ABCB11: variants seen among roughly 807,000 people sequenced by gnomAD.
ABCB11 encodes the protein ATP binding cassette subfamily B member 11, also known as bile salt export pump.
A neutral mutation model predicts 148.0 loss-of-function variants in ABCB11; 95 were observed. That is an observed-to-expected ratio of 0.64 (90% CI 0.54 to 0.76). The LOEUF (loss-of-function observed/expected upper bound fraction) is 0.76. ABCB11 is among the 30% of genes least tolerant of loss of function. The probability of loss-of-function intolerance (pLI) is 0.00; values close to 1 mark genes in which losing one functional copy is unlikely to be tolerated. For missense variants in ABCB11, 1,523 were observed against 1,617.8 expected, an observed-to-expected ratio of 0.94 and a Z score of 1.01; for synonymous variants, 591 against 555.4, an observed-to-expected ratio of 1.06 and a Z score of -0.90.
chr2:168,976,503 G>A (rs945165125), intron 12 of ABCB11, 74 bp downstream of exon 12: 1 of 856,616 alleles, frequency 1.2e-6, no homozygotes, highest in East Asian at 2.8e-5. Context: ...CAGAAAATGA[G>A]CAATTTGTGG....
intron 11 of ABCB11, 88 bp from the exon 12 acceptor site, chr2:168,976,775 G>T: frequency 1.3e-6 from 1 of 773,252 alleles, no homozygotes; most frequent in South Asian, 1.6e-5. Context: ...AAACATCTTT[G>T]GCGTATCTCT....
intron 13 of ABCB11, 30 bp downstream of exon 13, chr2:168,973,685 T>G: frequency 1.2e-6 from 2 of 1,609,018 alleles, no homozygotes; most frequent in Non-Finnish European, 1.7e-6. Context: ...ACTGTCCCCA[T>G]GTATTGAGGA....
intron 10 of ABCB11, among the ~76,000 whole-genome samples, chr2:168,982,108 CAGA>C (rs1356303865): frequency 6.6e-6 from 1 of 152,086 alleles, no homozygotes; most frequent in Admixed American, 6.6e-5. Context: ...CTGTGAACAG[CAGA>C]AGTAGTGTAG....
downstream of ABCB11, among the ~76,000 whole-genome samples, chr2:168,920,287 T>A (rs1691035750): frequency 6.6e-6 from 1 of 152,204 alleles, no homozygotes. Context: ...TTTTATTTAT[T>A]ATATTCAGTA....
chr2:168,968,554 A>C, intron 16 of ABCB11, 64 bp from the exon 17 acceptor site: 2 of 1,299,254 alleles, frequency 1.5e-6, no homozygotes, highest in Non-Finnish European at 2.1e-6. Flanking sequence ...TCCAAGTAGA[A>C]TTCTTTACTA....
Position 169,013,344 on chromosome 2 carries a change from G to A in ABCB11, c.317C>T (p.Ala106Val), listed in dbSNP as rs1695249818. 3 of 1,613,662 alleles carry A rather than the reference G, an allele frequency of 1.9e-6. No homozygotes were observed. Among genetic ancestry groups the A allele is most frequent in the Admixed American group, 1.7e-5 (1 of 59,984 alleles). The part of the protein sequence containing the change: ...ELQELQIPGK[A>V]CVNNTIVWTN... ...CCATACAATGGTGTTATTCACACAT[G>A]CTTTTCCTGGAATCTGGAGTTCTTG... is the stretch of plus-strand genomic sequence containing the variant. Residue 106 changes from alanine to valine, a missense_variant, in exon 5 of 28, where the codon GCA (alanine) becomes GTA (valine). Physicochemically the swap from Ala to Val is moderately conservative, Grantham distance 64. Coordinates refer to ENST00000650372, the MANE Select transcript of ABCB11 (RefSeq NM_003742.4).
At position 168,930,731 on chromosome 2, in the gene ABCB11, A is replaced by C; in HGVS notation, c.3345T>G (p.Ser1115Arg). 6.2e-7 allele frequency: 1 copy of C among 1,607,776 alleles called. No individual in the cohort carries two copies. Among genetic ancestry groups the C allele is most frequent in the Non-Finnish European group, 8.5e-7 (1 of 1,175,658 alleles). The change falls in exon 25 of 28, where the codon AGT becomes AGG. Residue 1115 changes from serine to arginine, a missense_variant. By Grantham distance (110) the Ser-to-Arg change is moderately radical (BLOSUM62 -1). Coordinates refer to ENST00000650372, the MANE Select transcript of ABCB11 (RefSeq NM_003742.4). ...GAATGCTAGTGCTTTTGCCACATCCACTGCTCCCAACAAACGCCAGTGTCT... is the reference window on the plus strand; with the variant it reads ...GAATGCTAGTGCTTTTGCCACATCCCCTGCTCCCAACAAACGCCAGTGTCT... Reference protein sequence around the residue: ...PGQTLAFVGSSGCGKSTSIQL... With the variant: ...PGQTLAFVGSRGCGKSTSIQL...
intron 21 of ABCB11, among the ~76,000 whole-genome samples, chr2:168,942,507 CAA>C (rs3067961): frequency 0.026 from 3,944 of 149,216 alleles, 154 homozygotes; most frequent in African/African-American, 0.086. Flanking sequence ...ACAAAGGGTG[CAA>C]AAAAAAAAAT....
Position 168,928,864 on chromosome 2 carries a change from T to A in ABCB11, c.3412-1502A>T, listed in dbSNP as rs115389861. On this transcript the variant is annotated intron_variant, in intron 25 of 27. Transcript: ENST00000650372. ...AAATTTACAATCTTTATACCTCAACTTAATAACAGAAGGGATTATAAATTA... is the reference window on the plus strand; with the variant it reads ...AAATTTACAATCTTTATACCTCAACATAATAACAGAAGGGATTATAAATTA... Among the ~76,000 whole-genome samples, 887 of 152,308 alleles carry A rather than the reference T, an allele frequency of 5.8e-3. 5 individuals carry two copies. The highest frequency in any genetic ancestry group is 0.02 in the African/African-American group (846 of 41,566).
intron 10 of ABCB11, among the ~76,000 whole-genome samples, chr2:168,985,021 C>T (rs1345222751): frequency 6.7e-6 from 1 of 150,000 alleles, no homozygotes; most frequent in Non-Finnish European, 1.5e-5. Flanking sequence ...AAAATCTTCA[C>T]AATCTACACA....
intron 10 of ABCB11, among the ~76,000 whole-genome samples, chr2:168,981,284 G>C (rs1023449020): frequency 1.3e-5 from 2 of 152,024 alleles, no homozygotes; most frequent in African/African-American, 2.4e-5. Flanking sequence ...GCCATACATG[G>C]GTGGTGGGTT....
intron 19 of ABCB11, among the ~76,000 whole-genome samples, chr2:168,948,008 T>TA (rs1370800098): frequency 6.6e-6 from 1 of 151,662 alleles, no homozygotes; most frequent in Non-Finnish European, 1.5e-5. Context: ...GATCATCTTT[T>TA]AAATCCTGCA....
downstream of ABCB11, among the ~76,000 whole-genome samples, chr2:168,920,367 A>C (rs1347919500): frequency 8.2e-6 from 1 of 121,896 alleles, no homozygotes; most frequent in Admixed American, 9.1e-5. Flanking sequence ...ACTATTTTTT[A>C]AAATAGTCTA....
chr2:168,946,526 T>C (rs899693953), intron 19 of ABCB11, among the ~76,000 whole-genome samples: 1 of 151,784 alleles, frequency 6.6e-6, no homozygotes, highest in Non-Finnish European at 1.5e-5. Context: ...AGCACAGTAA[T>C]TCTTCCCAGC....
intron 2 of ABCB11, 131 bp from the exon 3 acceptor site, chr2:169,016,930 C>A: frequency 1.5e-6 from 1 of 668,364 alleles, no homozygotes; most frequent in Non-Finnish European, 2.6e-6. Context: ...TAGCAAATGA[C>A]TATTTGCCTT....
At chr2:168,971,294 C>G (rs1693568647) in intron 14 of ABCB11, among the ~76,000 whole-genome samples, 1 of 151,950 alleles carries the variant, frequency 6.6e-6, no homozygotes, top group East Asian at 1.9e-4. Flanking sequence ...ACGTGTTAAC[C>G]CTTTATAATA....
At position 168,930,800 on chromosome 2, in the gene ABCB11, G is replaced by A. The variant is rs371859686; in HGVS notation, c.3276C>T (p.Asp1092=). 2.2e-5 allele frequency: 36 copies of A among 1,613,214 alleles called. No homozygotes were observed. The East Asian group carries it at 3.3e-4, about 15-fold the overall frequency. ...DCKFTYPSRP[D]SQVLNGLSVS... is the part of the protein sequence containing the mutation. ...CTGAGAGACCATTCAGAACTTGCGA[G>A]TCAGGTCGAGAAGGATATGTAAATT... Residue 1092 remains aspartate, a synonymous_variant, in exon 25 of 28, where the codon GAC becomes GAT. Coordinates refer to ENST00000650372, the MANE Select transcript of ABCB11 (RefSeq NM_003742.4).
Position 168,922,460 on chromosome 2 carries a change from T to C in ABCB11, c.*1162A>G, listed in dbSNP as rs375929246. Among the ~76,000 whole-genome samples the C allele has an allele frequency of 6.6e-6, 1 of 152,190 alleles. No individual in the cohort carries two copies. The highest frequency in any genetic ancestry group is 6.5e-5 in the Admixed American group (1 of 15,280). On this transcript the variant is annotated 3_prime_UTR_variant, in exon 28 of 28. Transcript: ENST00000650372. ...CATTCTTCTGTCTTCAGTCCCTCTG[T>C]CCCCTTGTCTCCTCCTTCCAGAAGG... is the stretch of plus-strand genomic sequence containing the variant.
rs1553468235 is a variant in ABCB11 at position 168,979,896 on chromosome 2, TGCTGCACGTCCAGTTGCAAAG to T, written c.1146_1166del (p.Phe383_Ala389del). 2.9e-5 allele frequency: 47 copies of T among 1,610,736 alleles called. No individual in the cohort carries two copies. Among genetic ancestry groups the T allele is most frequent in the Non-Finnish European group, 3.9e-5 (46 of 1,177,816 alleles). ...CTATTGTCTCAAAAATGCTGGTGGC[TGCTGCACGTCCAGTTGCAAAG>T]GCTTCCAAACAAGGAGAGGCATTGC... On this transcript the variant is annotated inframe_deletion, in exon 11 of 28. Coordinates refer to ENST00000650372, the MANE Select transcript of ABCB11 (RefSeq NM_003742.4).
Sources: gnomAD v4.1 joint callset for allele counts (sites outside exome capture counted in the v4.1 genomes callset) on GRCh38, gnomAD v4.1.1 for gene constraint, MANE v1.5 for transcripts, NCBI Gene and HGNC (gene_info 2026-07-23, HGNC 2026-07-21) for gene names.